PATJ: variants seen among roughly 807,000 people sequenced by gnomAD.
PATJ encodes the protein PATJ crumbs cell polarity complex component, also known as inaD-like protein.
In PATJ, 190 loss-of-function variants were observed where a neutral mutation model predicts 224.9. That is an observed-to-expected ratio of 0.84 (90% confidence interval 0.75 to 0.95). The LOEUF (loss-of-function observed/expected upper bound fraction) is 0.95, where lower values mean the gene tolerates loss of function less well. PATJ is among the 40% of genes least tolerant of loss of function. The pLI is 0.00. For missense variants in PATJ, 2,121 were observed against 2,270.3 expected (o/e 0.93, Z 1.34); for synonymous variants, 769 against 820.3 (o/e 0.94, Z 1.07).
chr1:61,769,183 A>T, intron 4 of PATJ, 100 bp from the exon 5 acceptor site: 1 of 1,127,586 alleles, frequency 8.9e-7, no homozygotes, highest in Non-Finnish European at 1.3e-6. Flanking sequence ...TGTGGTTCTT[A>T]GGGGAAGCTG....
chr1:62,015,835 C>T (rs1570060128), intron 28 of PATJ, among the ~76,000 whole-genome samples: 1 of 152,056 alleles, frequency 6.6e-6, no homozygotes, highest in South Asian at 2.1e-4. Flanking sequence ...GCCCAGCTAA[C>T]TTTTGTATTT....
intron 21 of PATJ, among the ~76,000 whole-genome samples, chr1:61,882,330 T>C (rs1668217733): frequency 6.6e-6 from 1 of 152,150 alleles, no homozygotes; most frequent in Non-Finnish European, 1.5e-5. Context: ...GGGATATGGC[T>C]GAGAGAATAA....
chr1:62,156,909 C>T (rs12732573), intron 43 of PATJ, among the ~76,000 whole-genome samples: 1 of 148,036 alleles, frequency 6.8e-6, no homozygotes, highest in South Asian at 2.1e-4. Flanking sequence ...GAATAAGTCC[C>T]TGTCAAAAAA....
intron 22 of PATJ, among the ~76,000 whole-genome samples, chr1:61,888,181 T>C (rs909267522): frequency 1.3e-5 from 2 of 152,334 alleles, no homozygotes; most frequent in South Asian, 4.1e-4. Context: ...AAACGCACAG[T>C]GATAAATAAG....
At chr1:61,919,973 A>G (rs911351150) in intron 26 of PATJ, among the ~76,000 whole-genome samples, 2 of 152,338 alleles carry the variant, frequency 1.3e-5, no homozygotes, top group Middle Eastern at 3.4e-3. Context: ...TTTTATAAAA[A>G]GTTGATAGAT....
At chr1:62,058,343 TA>T (rs1350881114) in intron 31 of PATJ, among the ~76,000 whole-genome samples, 2 of 152,242 alleles carry the variant, frequency 1.3e-5, no homozygotes, top group African/African-American at 4.8e-5. Context: ...AAGCATTCTT[TA>T]CTCTCCACCT....
chr1:61,898,644 C>A (rs1670702219), intron 22 of PATJ, among the ~76,000 whole-genome samples: 1 of 152,170 alleles, frequency 6.6e-6, no homozygotes, highest in South Asian at 2.1e-4. Context: ...CAAAGCCACA[C>A]ACCTATTTCA....
intron 25 of PATJ, among the ~76,000 whole-genome samples, chr1:61,913,059 C>A (rs911233979): frequency 1.3e-5 from 2 of 152,082 alleles, no homozygotes; most frequent in Non-Finnish European, 2.9e-5. Context: ...GTAAATGACA[C>A]GTTTCTGAGA....
chr1:62,133,580 A>G (rs1666489074), intron 41 of PATJ, among the ~76,000 whole-genome samples: 1 of 152,140 alleles, frequency 6.6e-6, no homozygotes, highest in Non-Finnish European at 1.5e-5. Flanking sequence ...CACCGTCTCG[A>G]GAAAAAAGAA....
rs1659943946 is a variant in PATJ at position 62,086,189 on chromosome 1, C to T, written c.4377+1541C>T. ...TAGCGCCATTAAAATGAAAACTTTT[C>T]CTGGGTTTTGATTTACTCAAGATGT... is the stretch of plus-strand genomic sequence containing the variant. On this transcript the variant is annotated intron_variant, in intron 33 of 43. Transcript: ENST00000642238. This position sits in a 1 kb window ranked among gnomAD's most constrained non-coding sequence, Gnocchi z 4.0. 6.8e-6 allele frequency among the ~76,000 whole-genome samples: 1 copy of T among 146,036 alleles called. No individual in the cohort carries two copies. The highest frequency in any genetic ancestry group is 1.5e-5 in the Non-Finnish European group (1 of 67,346).
At chr1:61,769,133 G>C in intron 4 of PATJ, 150 bp from the exon 5 acceptor site, 1 of 687,714 alleles carries the variant, frequency 1.5e-6, no homozygotes. Flanking sequence ...TCAGGTGAGA[G>C]GATTTCCAGA....
At chr1:61,869,944 T>C (rs11802671) in intron 20 of PATJ, among the ~76,000 whole-genome samples, 93,285 of 152,064 alleles carry the variant, frequency 0.61, 29,029 homozygotes, top group East Asian at 0.83. Context: ...GTGCGTGCAA[T>C]CCCCGAAGCC....
intron 14 of PATJ, among the ~76,000 whole-genome samples, chr1:61,814,732 C>G (rs1265514463): frequency 6.6e-6 from 1 of 152,140 alleles, no homozygotes. Context: ...CGTCCTAATT[C>G]AGTAGCTACT....
Position 62,084,653 on chromosome 1 carries a change from G to C in PATJ, c.4377+5G>C, listed in dbSNP as rs1452930696. On this transcript the variant is annotated splice_donor_5th_base_variant and intron_variant, in intron 33 of 43. Transcript: ENST00000642238. ...GGAGGAAAAGACACACCCTTGGTAA[G>C]TTTCTAGAAATAAAATGTATCCACT... 6.2e-7 allele frequency: 1 copy of C among 1,611,552 alleles called. No individual in the cohort carries two copies. Among genetic ancestry groups the C allele is most frequent in the East Asian group, 2.2e-5 (1 of 44,822 alleles).
At chr1:62,059,151 A>G (rs2148629933) in intron 31 of PATJ, among the ~76,000 whole-genome samples, 1 of 152,316 alleles carries the variant, frequency 6.6e-6, no homozygotes, top group East Asian at 1.9e-4. Flanking sequence ...AACTATGGAC[A>G]TGCAGATATA....
chr1:62,119,773 G>C (rs1664845596), intron 37 of PATJ, among the ~76,000 whole-genome samples: 1 of 152,116 alleles, frequency 6.6e-6, no homozygotes, highest in Non-Finnish European at 1.5e-5. Flanking sequence ...GTGAAACCCT[G>C]TCTCTACTAA....
At chr1:61,749,599 C>T (rs1337960764) in intron 1 of PATJ, among the ~76,000 whole-genome samples, 1 of 151,962 alleles carries the variant, frequency 6.6e-6, no homozygotes, top group East Asian at 1.9e-4. Flanking sequence ...GTATTCCTAC[C>T]ATCGAATGTT....
chr1:61,977,933 T>C (rs1217292205), intron 27 of PATJ, among the ~76,000 whole-genome samples: 2 of 151,374 alleles, frequency 1.3e-5, no homozygotes, highest in African/African-American at 4.9e-5. Context: ...AATAAGTTGA[T>C]TGAAATACAT....
intron 29 of PATJ, among the ~76,000 whole-genome samples, chr1:62,031,877 T>C (rs977619581): frequency 6.6e-6 from 1 of 152,242 alleles, no homozygotes; most frequent in Admixed American, 6.5e-5. Context: ...AGTTAATGTA[T>C]GTAAAGGATT....
Sources: allele counts gnomAD v4.1 joint callset (sites outside exome capture counted in the v4.1 genomes callset), GRCh38; gene constraint gnomAD v4.1.1; non-coding constraint Gnocchi (gnomAD v3.1); transcripts MANE v1.5; gene names NCBI Gene and HGNC (gene_info 2026-07-23, HGNC 2026-07-21).